The following ANK3 variants were observed in gnomAD, a reference collection of about 807,000 sequenced individuals.
ANK3 encodes the protein ankyrin-3.
Under a neutral mutation model 370.9 loss-of-function variants are expected in ANK3, and 57 were observed. That is an observed-to-expected ratio of 0.15 (90% CI 0.12 to 0.19). The LOEUF (loss-of-function observed/expected upper bound fraction) is 0.19, where lower values mean the gene tolerates loss of function less well. ANK3 is among the 10% of genes least tolerant of loss of function. The pLI is 1.00. For synonymous variants in ANK3, 1,929 were observed against 1,946.3 expected (o/e 0.99, Z 0.23); for missense variants, 4,439 against 5,302.1 (o/e 0.84, Z 5.06).
At chr10:60,039,974 G>A (rs534192594) in intron 43 of ANK3, among the ~76,000 whole-genome samples, 9 of 152,284 alleles carry the variant, frequency 5.9e-5, no homozygotes, top group East Asian at 5.8e-4. Context: ...TGAGCTGTCC[G>A]AGCCTTAATA....
intron 1 of ANK3, among the ~76,000 whole-genome samples, chr10:60,665,416 C>T (rs1257305927): frequency 1.3e-5 from 2 of 152,158 alleles, no homozygotes; most frequent in African/African-American, 2.4e-5. Context: ...GCTGGTTCTT[C>T]TTTGTGTCCT....
At chr10:60,413,397 CT>C (rs1310666705) in intron 2 of ANK3, among the ~76,000 whole-genome samples, 2 of 152,170 alleles carry the variant, frequency 1.3e-5, no homozygotes, top group African/African-American at 4.8e-5. Context: ...AGAATAAGTG[CT>C]TGAAAAGATG....
intron 2 of ANK3, among the ~76,000 whole-genome samples, chr10:60,427,828 T>C (rs1046045946): frequency 2.6e-5 from 4 of 152,276 alleles, no homozygotes; most frequent in Admixed American, 2.6e-4. Flanking sequence ...GTGGCTTTGA[T>C]GTAGAGCTAG....
chr10:60,076,326 A>T lies in ANK3; in HGVS notation c.4555T>A (p.Ser1519Thr). Reference sequence around the variant, plus strand: ...GAACTTGATAAGGAAGTGAAGCCTGACTTGGCTGGCCCAGGCACTGTAATC... The same window carrying T: ...GAACTTGATAAGGAAGTGAAGCCTGTCTTGGCTGGCCCAGGCACTGTAATC... ...APITVPGPAK[S>T]GFTSLSSSSS... The change falls in exon 37 of 44, where the codon TCA becomes ACA. Residue 1519 changes from serine to threonine, a missense_variant. By Grantham distance (58) the Ser-to-Thr change is moderately conservative. Transcript: ENST00000280772. The T allele has an allele frequency of 6.2e-7, 1 of 1,614,132 alleles. No individual in the cohort carries two copies. Among genetic ancestry groups the T allele is most frequent in the Non-Finnish European group, 8.5e-7 (1 of 1,179,980 alleles).
chr10:60,037,595 G>T (rs924637387), intron 43 of ANK3, among the ~76,000 whole-genome samples: 1 of 151,316 alleles, frequency 6.6e-6, no homozygotes, highest in Non-Finnish European at 1.5e-5. Context: ...CTCTATCTAT[G>T]TTCCGTTCCT....
intron 1 of ANK3, among the ~76,000 whole-genome samples, chr10:60,331,800 A>C (rs2051400577): frequency 6.6e-6 from 1 of 152,198 alleles, no homozygotes; most frequent in Non-Finnish European, 1.5e-5. Context: ...TTAAACTAAC[A>C]CCTATTAATT....
intron 2 of ANK3, among the ~76,000 whole-genome samples, chr10:60,425,244 G>T (rs990898521): frequency 6.6e-6 from 1 of 152,070 alleles, no homozygotes; most frequent in Non-Finnish European, 1.5e-5. Context: ...AAGTGACAGA[G>T]TCAGACTTGT....
intron 6 of ANK3, among the ~76,000 whole-genome samples, chr10:60,262,600 T>C (rs2097823640): frequency 6.6e-6 from 1 of 152,196 alleles, no homozygotes. Context: ...TCCCCAAAGA[T>C]TGAAACCTTA....
chr10:60,138,968 C>A lies in ANK3; in HGVS notation c.2734G>T (p.Ala912Ser), dbSNP rs1331740779. The change falls in exon 24 of 44, where the codon GCC (alanine) becomes TCC (serine). Residue 912 changes from alanine (A) to serine (S), a missense_variant. This residue lies in a region of ANK3 where 702 missense variants were observed against 941.5 expected (regional missense o/e 0.75). Coordinates refer to ENST00000280772, the MANE Select transcript of ANK3 (RefSeq NM_020987.5). ...AAGACAGCAACAACGAAGTACCTGG[C>A]AGAACGCGCTCCGAGACTAAAGCCC... ...YMGFSLGARS[A>S]SLRSFSSDRS... The A allele has an allele frequency of 6.2e-7, 1 of 1,613,732 alleles. No homozygotes were observed. The highest frequency in any genetic ancestry group is 8.5e-7 in the Non-Finnish European group (1 of 1,179,830).
intron 27 of ANK3, among the ~76,000 whole-genome samples, chr10:60,107,011 G>C (rs947932762): frequency 2.0e-5 from 3 of 152,060 alleles, no homozygotes; most frequent in Admixed American, 6.6e-5. Context: ...GAAGATACAG[G>C]CTTAAGTAAG....
Position 60,186,883 on chromosome 10 carries a change from G to A in ANK3, c.1917C>T (p.Ala639=), listed in dbSNP as rs767201461. 33 of 1,613,962 alleles carry A rather than the reference G, an allele frequency of 2.0e-5. No homozygotes were observed. The South Asian group carries it at 3.2e-4, about 16-fold the overall frequency. ...KNGYTPLHIA[A]KKNQMDIATT... ...TCGCTATGTCCATCTGGTTCTTTTTGGCAGCGATGTGCAGTGGCGTATAAC... is the reference window on the plus strand; with the variant it reads ...TCGCTATGTCCATCTGGTTCTTTTTAGCAGCGATGTGCAGTGGCGTATAAC... Residue 639 remains alanine (A), a synonymous_variant, in exon 17 of 44, where the codon GCC becomes GCT. Transcript: ENST00000280772.
intron 43 of ANK3, among the ~76,000 whole-genome samples, chr10:60,036,809 G>C (rs1469580345): frequency 6.6e-6 from 1 of 152,022 alleles, no homozygotes; most frequent in Non-Finnish European, 1.5e-5. Context: ...GCTTACTTCA[G>C]TTTTCTCCCT....
intron 1 of ANK3, among the ~76,000 whole-genome samples, chr10:60,350,776 G>A: frequency 6.6e-6 from 1 of 152,140 alleles, no homozygotes; most frequent in East Asian, 1.9e-4. Flanking sequence ...CCCAGGAAAG[G>A]TGAGCTGGGT....
intron 2 of ANK3, among the ~76,000 whole-genome samples, chr10:60,554,734 C>T (rs1420548388): frequency 2.0e-5 from 3 of 152,042 alleles, no homozygotes; most frequent in Non-Finnish European, 4.4e-5. Context: ...TTGCAACAAC[C>T]TAAAAACAAA....
intron 42 of ANK3, among the ~76,000 whole-genome samples, chr10:60,049,442 C>A (rs2077504633): frequency 6.6e-6 from 1 of 152,038 alleles, no homozygotes; most frequent in Non-Finnish European, 1.5e-5. Context: ...CAAAAATTAG[C>A]CGGGTGTGGT....
At position 60,278,843 on chromosome 10, in the gene ANK3, A is replaced by C. The variant is rs769470033; in HGVS notation, c.345T>G (p.Ser115=). Residue 115 remains serine, a synonymous_variant, in exon 4 of 44, where the codon TCT becomes TCG. Transcript: ENST00000280772. The part of the protein sequence containing the change: ...KKGNTALHIA[S]LAGQAEVVKV... ...TTACCACCTCTGCTTGCCCAGCCAA[A>C]GATGCGATGTGCAATGCTGTGTTTC... 6 of 1,613,826 alleles carry C rather than the reference A, an allele frequency of 3.7e-6. No individual in the cohort carries two copies. Among genetic ancestry groups the C allele is most frequent in the Admixed American group, 1.7e-5 (1 of 59,960 alleles).
intron 2 of ANK3, among the ~76,000 whole-genome samples, chr10:60,431,415 G>C (rs944959841): frequency 6.6e-6 from 1 of 152,142 alleles, no homozygotes; most frequent in African/African-American, 2.4e-5. Context: ...CATGGAGAGC[G>C]GCTGTAAATA....
At position 60,173,081 on chromosome 10, in the gene ANK3, A is replaced by G. The variant is rs1252607868; in HGVS notation, c.2283+7T>C. On this transcript the variant is annotated splice_region_variant and intron_variant, in intron 19 of 43. Coordinates refer to ENST00000280772, the MANE Select transcript of ANK3 (RefSeq NM_020987.5). The stretch of plus-strand genomic sequence containing the variant: ...TTCTGGCAGAAACAAAAAAGGAAGG[A>G]GCTTACCTTTGTTTTGGCATTAACT... 1 of 1,612,490 alleles carries G rather than the reference A, an allele frequency of 6.2e-7. No homozygotes were observed. The highest frequency in any genetic ancestry group is 8.5e-7 in the Non-Finnish European group (1 of 1,178,964).
intron 8 of ANK3, among the ~76,000 whole-genome samples, chr10:60,228,395 G>A (rs1050375353): frequency 2.0e-5 from 3 of 151,980 alleles, no homozygotes; most frequent in East Asian, 1.9e-4. Flanking sequence ...TTAGCTAGGC[G>A]AGGTGGCGTG....
Sources: gnomAD v4.1 joint callset for allele counts (sites outside exome capture counted in the v4.1 genomes callset) on GRCh38, gnomAD v4.1.1 for gene constraint, gnomAD v4.1.1 regional missense constraint, MANE v1.5 for transcripts, NCBI Gene and HGNC (gene_info 2026-07-23, HGNC 2026-07-21) for gene names.